Variants in ASAH1 observed in about 807,000 individuals in gnomAD.
The protein encoded by ASAH1 is acid ceramidase.
ASAH1 carries 70 observed loss-of-function variants against 59.5 expected under a neutral mutation model. The ratio of observed to expected loss-of-function variants is 1.18; its 90% CI spans 0.97 to 1.43. ASAH1 has a LOEUF of 1.43. ASAH1 is among the 40% of genes most tolerant of loss of function. ASAH1 has a pLI of 0.00. For missense variants in ASAH1, 660 were observed against 482.5 expected (o/e 1.37, Z -3.45); for synonymous variants, 213 against 166.5 (o/e 1.28, Z -2.15).
intron 1 of ASAH1, among the ~76,000 whole-genome samples, chr8:18,080,793 C>T (rs1047792015): frequency 3.3e-5 from 5 of 152,088 alleles, no homozygotes; most frequent in South Asian, 2.1e-4. Context: ...CCTGACCTCA[C>T]GTGATCTGCC....
At chr8:18,064,433 C>T (rs1388283142) in intron 6 of ASAH1, 24 bp downstream of exon 6, 4 of 1,311,360 alleles carry the variant, frequency 3.1e-6, no homozygotes, top group Non-Finnish European at 4.4e-6. Flanking sequence ...TCATGCTGCC[C>T]ACCCTCCCTC....
rs1800370108 is a variant in ASAH1 at position 18,075,577 on chromosome 8, T to C, written c.89A>G (p.Asp30Gly). ...AGGAGGATAGGTTGATTTTCTGCAG[T>C]CCTCTGTCCACTGAAAAGCAAAGAA... ...VAQHAPPWTE[D>G]CRKSTYPPSG... Residue 30 changes from aspartate (D) to glycine (G), a missense_variant, in exon 2 of 14, where the codon GAC (aspartate) becomes GGC (glycine). Physicochemically the swap from Asp to Gly is moderately conservative, Grantham distance 94. Transcript: ENST00000637790. 1.2e-6 allele frequency: 2 copies of C among 1,614,040 alleles called. No individual in the cohort carries two copies. Among genetic ancestry groups the C allele is most frequent in the African/African-American group, 1.3e-5 (1 of 74,926 alleles).
chr8:18,069,605 T>C (rs2117055488), intron 4 of ASAH1, 187 bp downstream of exon 4: 1 of 540,912 alleles, frequency 1.8e-6, no homozygotes, highest in Non-Finnish European at 3.3e-6. Flanking sequence ...AAACCATAAT[T>C]TGCTATGCTG....
intron 1 of ASAH1, 118 bp from the exon 2 acceptor site, chr8:18,075,705 C>G: frequency 1.2e-6 from 1 of 843,460 alleles, no homozygotes; most frequent in African/African-American, 1.7e-5. Flanking sequence ...CTCTTTTATA[C>G]GTTTCAATGC....
At position 18,063,328 on chromosome 8, in the gene ASAH1, G is replaced by C; in HGVS notation, c.458-98C>G. 3 of 1,196,750 alleles carry C rather than the reference G, an allele frequency of 2.5e-6. No individual in the cohort carries two copies. The South Asian group carries it at 3.6e-5, about 15-fold the overall frequency. 74.1% of individuals were successfully genotyped at this position (1,196,750 alleles called of 1,614,324 possible). A position where few individuals can be genotyped will look rare whatever the true frequency, so the allele number is the denominator to read the frequency against. ...GATTAATTAATTTATTTTTGAGACA[G>C]AGTCTCGTTCTGTTGGCCAGACTGG... On this transcript the variant is annotated intron_variant, in intron 6 of 13. Transcript: ENST00000637790.
intron 1 of ASAH1, among the ~76,000 whole-genome samples, chr8:18,082,268 T>C (rs534604356): frequency 1.3e-3 from 194 of 152,292 alleles, no homozygotes; most frequent in African/African-American, 4.6e-3. Flanking sequence ...CAAAATACTT[T>C]TGCTAGAATA....
rs188026376 is a variant in ASAH1, at chr8:18,063,467, C to A, written c.458-237G>T. 515 of 388,822 alleles carry A rather than the reference C, an allele frequency of 1.3e-3. 2 individuals carry two copies. Among genetic ancestry groups the A allele is most frequent in the Non-Finnish European group, 1.7e-3 (382 of 222,396 alleles). The allele number at this position is 388,822 out of a possible 1,614,324, so 24.1% of individuals were successfully genotyped here. On this transcript the variant is annotated intron_variant, in intron 6 of 13. Coordinates refer to ENST00000637790, the MANE Select transcript of ASAH1 (RefSeq NM_177924.5). The stretch of plus-strand genomic sequence containing the variant: ...TACAGACATGTGCGACCGCACCTGG[C>A]TACTTTTTTTTTTTTTTTGTATTTT...
upstream of ASAH1, chr8:18,084,303 G>A: frequency 2.8e-6 from 4 of 1,430,972 alleles, no homozygotes; most frequent in Non-Finnish European, 3.6e-6. Context: ...AAGGAGAGTC[G>A]CGATCGCCTT....
chr8:18,061,356 T>C, intron 10 of ASAH1, 21 bp downstream of exon 10: 7 of 1,578,884 alleles, frequency 4.4e-6, no homozygotes, highest in African/African-American at 1.3e-5. Context: ...TATTTAATAG[T>C]AAAGCAACGA....
chr8:18,067,733 G>A (rs1301286380), intron 4 of ASAH1: 1 of 153,966 alleles, frequency 6.5e-6, no homozygotes, highest in African/African-American at 2.4e-5. Flanking sequence ...CACACTCACA[G>A]AGATAAACCT....
intron 6 of ASAH1, chr8:18,064,230 C>G (rs1799833254): frequency 1.7e-6 from 1 of 583,774 alleles, no homozygotes; most frequent in Non-Finnish European, 3.0e-6. Context: ...AACATTTCTT[C>G]CAGGTTTTTT....
intron 2 of ASAH1, 114 bp downstream of exon 2, chr8:18,075,427 T>C: frequency 8.9e-7 from 1 of 1,128,056 alleles, no homozygotes; most frequent in Non-Finnish European, 1.4e-6. Context: ...TGTCTCGGAA[T>C]GGGAAACATG....
At position 18,058,837 on chromosome 8, in the gene ASAH1, T is replaced by C; in HGVS notation, c.1096A>G (p.Lys366Glu). 6.2e-7 allele frequency: 1 copy of C among 1,609,658 alleles called. No individual in the cohort carries two copies. Among genetic ancestry groups the C allele is most frequent in the South Asian group, 1.1e-5 (1 of 90,996 alleles). ...DVLSTKPVLNKLTVYTTLIDV... is the reference protein window; with the variant it reads ...DVLSTKPVLNELTVYTTLIDV... ...TATACATATAACATTTAAAATACCT[T>C]GTTGAGGACAGGTTTTGTTGACAGG... Residue 366 changes from lysine to glutamate, a missense_variant and splice_region_variant, in exon 13 of 14, where the codon AAG becomes GAG. Coordinates refer to ENST00000637790, the MANE Select transcript of ASAH1 (RefSeq NM_177924.5).
At chr8:18,084,186 G>T (rs1800792395), upstream of ASAH1, 3 of 1,536,372 alleles carry the variant, frequency 2.0e-6, no homozygotes, top group Non-Finnish European at 2.6e-6. Flanking sequence ...CCAGGCAGTA[G>T]GGGGAACGCT....
At chr8:18,061,200 A>T in intron 10 of ASAH1, 177 bp downstream of exon 10, 1 of 553,228 alleles carries the variant, frequency 1.8e-6, no homozygotes, top group Non-Finnish European at 3.2e-6. Context: ...ATTTGCTATA[A>T]AACACACAGT....
rs1406926084 is a variant in ASAH1, at chr8:18,057,234, T to A, written c.*300A>T. On this transcript the variant is annotated 3_prime_UTR_variant, in exon 14 of 14. Coordinates refer to ENST00000637790, the MANE Select transcript of ASAH1 (RefSeq NM_177924.5). ...TCCATTTATTCCACGGAGGTGGAGT[T>A]CACCATGGTTCGACTGCCCACCAGA... 1.2e-5 allele frequency: 4 copies of A among 330,492 alleles called. No individual in the cohort carries two copies. In the Admixed American group the frequency reaches 1.6e-4, roughly 14 times the overall value. The allele number at this position is 330,492 out of a possible 1,614,324, so 20.5% of individuals were successfully genotyped here.
Position 18,057,427 on chromosome 8 carries a change from C to T in ASAH1, c.*107G>A. On this transcript the variant is annotated 3_prime_UTR_variant, in exon 14 of 14. Transcript: ENST00000637790. The stretch of plus-strand genomic sequence containing the variant: ...GACAAGCTATTGACTCAAAGAGAAC[C>T]TGCCGCGAGTCTTAGTCTTTGGAAG... The T allele has an allele frequency of 1.2e-6, 1 of 806,804 alleles. No individual in the cohort carries two copies. Among genetic ancestry groups the T allele is most frequent in the African/African-American group, 1.7e-5 (1 of 58,404 alleles). 50.0% of individuals were successfully genotyped at this position (806,804 alleles called of 1,614,324 possible).
At chr8:18,082,122 A>C (rs962587229) in intron 1 of ASAH1, among the ~76,000 whole-genome samples, 2 of 152,214 alleles carry the variant, frequency 1.3e-5, no homozygotes, top group Admixed American at 1.3e-4. Flanking sequence ...TTATTTTTCC[A>C]GTTTCATTGA....
intron 1 of ASAH1, among the ~76,000 whole-genome samples, chr8:18,081,376 C>T (rs563602059): frequency 6.2e-4 from 95 of 152,282 alleles, no homozygotes; most frequent in Admixed American, 3.5e-3. Flanking sequence ...TTGCTGACCT[C>T]CAATCCAGAC....
Sources: allele counts gnomAD v4.1 joint callset (sites outside exome capture counted in the v4.1 genomes callset), GRCh38; gene constraint gnomAD v4.1.1; transcripts MANE v1.5; gene names NCBI Gene and HGNC (gene_info 2026-07-23, HGNC 2026-07-21).